The following SORCS2 variants were observed in gnomAD, a reference collection of about 807,000 sequenced individuals.
SORCS2 encodes the protein VPS10 domain-containing receptor SorCS2.
A neutral mutation model predicts 141.6 loss-of-function variants in SORCS2; 100 were observed. That is an observed-to-expected ratio of 0.71 (90% CI 0.60 to 0.83). SORCS2 has a LOEUF of 0.83. Among genes scored for constraint, SORCS2 ranks in the 40% least tolerant of loss-of-function variants. The probability of loss-of-function intolerance (pLI) is 0.00; values close to 1 mark genes in which losing one functional copy is unlikely to be tolerated. For synonymous variants in SORCS2, 789 were observed against 676.9 expected (o/e 1.17, Z -2.57); for missense variants, 1,646 against 1,560.2 (o/e 1.05, Z -0.93).
rs1025075615 is a variant in SORCS2 at position 7,677,124 on chromosome 4, T to G, written c.1341+895T>G. Among the ~76,000 whole-genome samples the G allele has an allele frequency of 3.9e-5, 6 of 152,028 alleles. No individual in the cohort carries two copies. In the South Asian group the frequency reaches 6.2e-4, roughly 16 times the overall value. On this transcript the variant is annotated intron_variant, in intron 9 of 26. Transcript: ENST00000507866. ...CCTCCACCCTCCCTGCTGCCACTTCTCTCACCACCTACGAAGCTCTGGCCT... is the reference window on the plus strand; with the variant it reads ...CCTCCACCCTCCCTGCTGCCACTTCGCTCACCACCTACGAAGCTCTGGCCT...
intron 1 of SORCS2, among the ~76,000 whole-genome samples, chr4:7,251,405 C>A (rs1713500655): frequency 6.6e-6 from 1 of 152,108 alleles, no homozygotes; most frequent in Non-Finnish European, 1.5e-5. Flanking sequence ...TTGGGGGGAC[C>A]AGGACTGATT....
intron 1 of SORCS2, among the ~76,000 whole-genome samples, chr4:7,260,909 C>T (rs539099024): frequency 4.7e-4 from 72 of 152,278 alleles, no homozygotes; most frequent in African/African-American, 1.4e-3. Flanking sequence ...ATGGGGACAC[C>T]GAGGCTCAGA....
At chr4:7,606,674 A>C (rs1049903080) in intron 3 of SORCS2, among the ~76,000 whole-genome samples, 1 of 151,948 alleles carries the variant, frequency 6.6e-6, no homozygotes, top group Non-Finnish European at 1.5e-5. Flanking sequence ...GCTCTTGGGC[A>C]TATGTTCACC....
intron 1 of SORCS2, among the ~76,000 whole-genome samples, chr4:7,305,361 G>GTT (rs5855954): frequency 1.3e-4 from 18 of 137,768 alleles, no homozygotes; most frequent in East Asian, 2.1e-4. Context: ...TTCTACTTTA[G>GTT]TTTTTTTTTT....
At chr4:7,339,527 C>T (rs117773324) in intron 1 of SORCS2, among the ~76,000 whole-genome samples, 2,204 of 152,270 alleles carry the variant, frequency 0.014, 79 homozygotes, top group East Asian at 0.13. Flanking sequence ...CCATCCTTGG[C>T]GTGCATGGCC....
At chr4:7,660,110 T>C (rs551497594) in intron 5 of SORCS2, among the ~76,000 whole-genome samples, 1 of 152,194 alleles carries the variant, frequency 6.6e-6, no homozygotes, top group South Asian at 2.1e-4. Flanking sequence ...TGCCACCAAA[T>C]GGAGGTATTA....
intron 4 of SORCS2, among the ~76,000 whole-genome samples, chr4:7,639,422 G>T (rs1049628037): frequency 5.7e-4 from 68 of 118,392 alleles, no homozygotes; most frequent in South Asian, 1.7e-3. Flanking sequence ...AAGTGTGTGT[G>T]TGTATGCACA....
intron 3 of SORCS2, among the ~76,000 whole-genome samples, chr4:7,593,091 C>T (rs1210099469): frequency 1.3e-5 from 2 of 152,112 alleles, no homozygotes; most frequent in African/African-American, 2.4e-5. Flanking sequence ...TGGTGGCAGT[C>T]AGGAGGTTGA....
intron 5 of SORCS2, among the ~76,000 whole-genome samples, chr4:7,655,568 T>C (rs1301340965): frequency 8.5e-5 from 13 of 152,230 alleles, no homozygotes; most frequent in Admixed American, 7.2e-4. Flanking sequence ...CTTTTTCCTC[T>C]GGAATGCCGA....
At chr4:7,699,909 C>T (rs1355560570) in intron 12 of SORCS2, among the ~76,000 whole-genome samples, 6 of 152,178 alleles carry the variant, frequency 3.9e-5, no homozygotes, top group African/African-American at 1.4e-4. Context: ...CTCTAACGAG[C>T]CCCTGCCCCT....
intron 3 of SORCS2, among the ~76,000 whole-genome samples, chr4:7,547,032 C>T (rs902308472): frequency 2.0e-5 from 3 of 152,138 alleles, no homozygotes; most frequent in Admixed American, 2.0e-4. Context: ...TGTTTTTTAA[C>T]AACCCCTGCT....
chr4:7,661,464 C>A, intron 5 of SORCS2, 36 bp from the exon 6 acceptor site: 1 of 1,550,520 alleles, frequency 6.4e-7, no homozygotes, highest in Non-Finnish European at 8.7e-7. Flanking sequence ...CATGGTGACT[C>A]CATTCCCGAC....
At position 7,689,593 on chromosome 4, in the gene SORCS2, G is replaced by T. The variant is rs767487128; in HGVS notation, c.1591+5G>T. 1 of 1,576,482 alleles carries T rather than the reference G, an allele frequency of 6.3e-7. No individual in the cohort carries two copies. The highest frequency in any genetic ancestry group is 1.2e-5 in the South Asian group (1 of 85,716). Reference sequence around the variant, plus strand: ...CAGGCCTCATCATGGGTGCAGGTAGGTGGCTTCCATCACAGGTGGCTGGCA... The same window carrying T: ...CAGGCCTCATCATGGGTGCAGGTAGTTGGCTTCCATCACAGGTGGCTGGCA... On this transcript the variant is annotated splice_donor_5th_base_variant and intron_variant, in intron 11 of 26. Transcript: ENST00000507866.
intron 1 of SORCS2, among the ~76,000 whole-genome samples, chr4:7,387,928 G>A (rs1723555536): frequency 1.7e-5 from 1 of 60,390 alleles, no homozygotes; most frequent in Admixed American, 1.5e-4. Flanking sequence ...ACACCCACAT[G>A]CACACACCGA....
At chr4:7,460,983 C>T (rs763497881) in intron 2 of SORCS2, among the ~76,000 whole-genome samples, 8 of 152,144 alleles carry the variant, frequency 5.3e-5, no homozygotes, top group Non-Finnish European at 1.0e-4. Context: ...TTTCCATCAT[C>T]CTCGTGCTGC....
intron 3 of SORCS2, among the ~76,000 whole-genome samples, chr4:7,620,301 T>C (rs754067018): frequency 1.3e-5 from 2 of 152,210 alleles, no homozygotes; most frequent in African/African-American, 2.4e-5. Context: ...CTTGCTGTGT[T>C]ACGTGGATGT....
At chr4:7,435,893 G>C (rs1022372469) in intron 2 of SORCS2, among the ~76,000 whole-genome samples, 1 of 152,336 alleles carries the variant, frequency 6.6e-6, no homozygotes, top group Middle Eastern at 3.4e-3. Context: ...ATGGCAGGGG[G>C]CTCCCCTAGC....
chr4:7,360,664 G>C lies in SORCS2; in HGVS notation c.481-35624G>C, dbSNP rs556214925. ...TATGATTATGGCTCACTGTTGCTTC[G>C]ACCTCCCAGGCTCAAGCGATCGATC... On this transcript the variant is annotated intron_variant, in intron 1 of 26. Transcript: ENST00000507866. Among the ~76,000 whole-genome samples, 36 of 130,676 alleles carry C rather than the reference G, an allele frequency of 2.8e-4. No homozygotes were observed. The South Asian group carries it at 8.5e-3, about 31-fold the overall frequency. 85.7% of individuals were successfully genotyped at this position (130,676 alleles called of 152,430 possible). A position where few individuals can be genotyped will look rare whatever the true frequency, so the allele number is the denominator to read the frequency against.
chr4:7,620,945 C>T (rs1333052327), intron 3 of SORCS2, among the ~76,000 whole-genome samples: 3 of 152,158 alleles, frequency 2.0e-5, no homozygotes, highest in Non-Finnish European at 4.4e-5. Flanking sequence ...CCCCAAGTGC[C>T]CTTCTCCTGC....
Sources: gnomAD v4.1 joint callset for allele counts (sites outside exome capture counted in the v4.1 genomes callset) on GRCh38, gnomAD v4.1.1 for gene constraint, MANE v1.5 for transcripts, NCBI Gene and HGNC (gene_info 2026-07-23, HGNC 2026-07-21) for gene names.